Variants in JOSD1 observed in about 807,000 individuals in gnomAD.
JOSD1 encodes the protein josephin-1.
In JOSD1, 11 loss-of-function variants were observed where a neutral mutation model predicts 24.3. The ratio of observed to expected loss-of-function variants is 0.45; its 90% CI spans 0.29 to 0.75. JOSD1 has a LOEUF of 0.75. Among genes scored for constraint, JOSD1 ranks in the 30% least tolerant of loss-of-function variants. The pLI, the probability that JOSD1 is intolerant of heterozygous loss-of-function variation, is 0.11. For missense variants in JOSD1, 184 were observed against 253.5 expected (o/e 0.73, Z 1.86); for synonymous variants, 106 against 93.8 (o/e 1.13, Z -0.75).
At chr22:38,699,304 C>A (rs958599228) in intron 2 of JOSD1, among the ~76,000 whole-genome samples, 4 of 152,324 alleles carry the variant, frequency 2.6e-5, no homozygotes, top group Admixed American at 6.5e-5. Flanking sequence ...AAAAGCTGAG[C>A]ATTGTTTATA....
intron 2 of JOSD1, among the ~76,000 whole-genome samples, chr22:38,689,858 A>C (rs1275302160): frequency 3.3e-5 from 5 of 151,624 alleles, no homozygotes; most frequent in African/African-American, 1.2e-4. Flanking sequence ...GTTGGATATA[A>C]GGCAATAAAA....
intron 2 of JOSD1, among the ~76,000 whole-genome samples, chr22:38,696,255 G>C (rs2092545727): frequency 1.4e-5 from 2 of 147,378 alleles, no homozygotes; most frequent in East Asian, 2.0e-4. Context: ...TTTTTTTTGA[G>C]AGATGGGAGT....
intron 2 of JOSD1, among the ~76,000 whole-genome samples, chr22:38,698,614 A>C (rs5750671): frequency 0.37 from 56,435 of 151,952 alleles, 11,121 homozygotes; most frequent in African/African-American, 0.51. Context: ...GGGCCTAACT[A>C]CTTCTAGTCG....
intron 2 of JOSD1, among the ~76,000 whole-genome samples, chr22:38,690,354 C>T (rs537060577): frequency 6.1e-4 from 92 of 152,064 alleles, no homozygotes; most frequent in Non-Finnish European, 1.2e-4. Context: ...CTTAAGAAAT[C>T]TTGTATTTTT....
At chr22:38,700,683 C>A in intron 1 of JOSD1, 65 bp from the exon 2 acceptor site, 2 of 976,672 alleles carry the variant, frequency 2.0e-6, no homozygotes, top group Non-Finnish European at 2.4e-6. Context: ...GCGGGGCCGG[C>A]CCCTGCCCGA....
At chr22:38,694,744 TC>T (rs570495862) in intron 2 of JOSD1, among the ~76,000 whole-genome samples, 105 of 151,374 alleles carry the variant, frequency 6.9e-4, no homozygotes, top group Non-Finnish European at 1.3e-3. Context: ...CGCCTGTAGT[TC>T]CAGCTACTTG....
upstream of JOSD1, chr22:38,701,074 C>T (rs1465637668): frequency 7.7e-6 from 6 of 777,638 alleles, no homozygotes; most frequent in South Asian, 5.8e-5. Context: ...AGTCTGACGT[C>T]ATCGGCACCG....
intron 2 of JOSD1, among the ~76,000 whole-genome samples, chr22:38,696,235 C>T (rs1800763199): frequency 6.6e-6 from 1 of 151,012 alleles, no homozygotes; most frequent in Non-Finnish European, 1.5e-5. Context: ...AAACCTTATA[C>T]CCCCCCTTTT....
chr22:38,698,520 A>G (rs1248518966), intron 2 of JOSD1, among the ~76,000 whole-genome samples: 1 of 152,152 alleles, frequency 6.6e-6, no homozygotes, highest in Non-Finnish European at 1.5e-5. Flanking sequence ...CTTCCAAGCT[A>G]AGAGAGTAAG....
Position 38,700,882 on chromosome 22 carries a change from T to G in JOSD1, c.-714A>C. 2 of 984,236 alleles carry G rather than the reference T, an allele frequency of 2.0e-6. No homozygotes were observed. The highest frequency in any genetic ancestry group is 2.4e-6 in the Non-Finnish European group (2 of 829,572). The allele number at this position is 984,236 out of a possible 1,614,324, so 61.0% of individuals were successfully genotyped here. A position where few individuals can be genotyped will look rare whatever the true frequency, so the allele number is the denominator to read the frequency against. Reference sequence around the variant, plus strand: ...CAGACCCCAGGGCCGCCGGGACTGCTCGCCGCTGGCGGTCCCCTCACCGCA... The same window carrying G: ...CAGACCCCAGGGCCGCCGGGACTGCGCGCCGCTGGCGGTCCCCTCACCGCA... On this transcript the variant is annotated 5_prime_UTR_variant, in exon 1 of 5. Transcript: ENST00000683374.
chr22:38,689,192 A>AGTGAGG, intron 3 of JOSD1, 63 bp from the exon 4 acceptor site: 1 of 1,601,516 alleles, frequency 6.2e-7, no homozygotes, highest in South Asian at 1.1e-5. Context: ...CCTGGCTGTA[A>AGTGAGG]TACCACAACT....
chr22:38,695,218 T>C (rs1231522598), intron 2 of JOSD1, among the ~76,000 whole-genome samples: 3 of 152,170 alleles, frequency 2.0e-5, no homozygotes. Context: ...GACAAGAGAA[T>C]TCAAGTCTCT....
Position 38,685,968 on chromosome 22 carries a change from A to AG in JOSD1, c.*1933dup, listed in dbSNP as rs1232310492. ...CACAGGCCCAAGTGGATTTGTGGAGAGGAGTTTCCTCCTCTACCCAAGAAA... is the reference window on the plus strand; with the variant it reads ...CACAGGCCCAAGTGGATTTGTGGAGAGGGAGTTTCCTCCTCTACCCAAGAAA... On this transcript the variant is annotated 3_prime_UTR_variant, in exon 5 of 5. Transcript: ENST00000683374. 2.0e-5 allele frequency: 3 copies of AG among 152,584 alleles called. No homozygotes were observed. The highest frequency in any genetic ancestry group is 4.4e-5 in the Non-Finnish European group (3 of 68,040). The allele number at this position is 152,584 out of a possible 1,614,324, so 9.5% of individuals were successfully genotyped here.
rs984833897 is a variant in JOSD1, at chr22:38,700,824, G to A, written c.-656C>T. ...CCTCCCCGCCCGTCACGTGAGCGCA[G>A]GCCCAGACGCCCTCCCGCCGCGCCC... On this transcript the variant is annotated 5_prime_UTR_variant, in exon 1 of 5. Transcript: ENST00000683374. 1.0e-6 allele frequency: 1 copy of A among 984,784 alleles called. No individual in the cohort carries two copies. The highest frequency in any genetic ancestry group is 1.2e-6 in the Non-Finnish European group (1 of 829,732). 61.0% of individuals were successfully genotyped at this position (984,784 alleles called of 1,614,324 possible). A position where few individuals can be genotyped will look rare whatever the true frequency, so the allele number is the denominator to read the frequency against.
At chr22:38,693,591 C>T (rs2092532626) in intron 2 of JOSD1, among the ~76,000 whole-genome samples, 1 of 152,118 alleles carries the variant, frequency 6.6e-6, no homozygotes, top group Admixed American at 6.6e-5. Flanking sequence ...GATCATATGG[C>T]CTTTATTCTA....
rs149824960 is a variant in JOSD1 at position 38,688,770 on chromosome 22, T to C, written c.509+165A>G. ...AGGACTTAAAAGTACTGATGCGCCATTGAAGATTAAGGTCAGGTCCGAGAC... is the reference window on the plus strand; with the variant it reads ...AGGACTTAAAAGTACTGATGCGCCACTGAAGATTAAGGTCAGGTCCGAGAC... On this transcript the variant is annotated intron_variant, in intron 4 of 4. Coordinates refer to ENST00000683374, the MANE Select transcript of JOSD1 (RefSeq NM_001360236.2). 4.0e-3 allele frequency among the ~76,000 whole-genome samples: 608 copies of C among 152,246 alleles called. 6 individuals carry two copies. Among genetic ancestry groups the C allele is most frequent in the African/African-American group, 0.014 (581 of 41,548 alleles).
intron 2 of JOSD1, among the ~76,000 whole-genome samples, chr22:38,694,765 G>A (rs1239758220): frequency 6.6e-6 from 1 of 151,708 alleles, no homozygotes; most frequent in African/African-American, 2.4e-5. Flanking sequence ...GGGAGGCTGA[G>A]GCAGGAGAAT....
chr22:38,697,801 T>G (rs2092551872), intron 2 of JOSD1, among the ~76,000 whole-genome samples: 1 of 152,268 alleles, frequency 6.6e-6, no homozygotes. Flanking sequence ...AGGAAAGCAC[T>G]CAGAACGGTG....
In JOSD1 at chr22:38,687,480, G is replaced by T; in HGVS notation, c.*422C>A. 1 of 176,552 alleles carries T rather than the reference G, an allele frequency of 5.7e-6. No individual in the cohort carries two copies. Among genetic ancestry groups the T allele is most frequent in the Non-Finnish European group, 1.2e-5 (1 of 83,962 alleles). The allele number at this position is 176,552 out of a possible 1,614,324, so 10.9% of individuals were successfully genotyped here. On this transcript the variant is annotated 3_prime_UTR_variant, in exon 5 of 5. Coordinates refer to ENST00000683374, the MANE Select transcript of JOSD1 (RefSeq NM_001360236.2). Reference sequence around the variant, plus strand: ...TTCAAACCAGTCACATGGGGTTTGTGGGCACTATCTGCAGACCCACTGTTT... The same window carrying T: ...TTCAAACCAGTCACATGGGGTTTGTTGGCACTATCTGCAGACCCACTGTTT...
Sources: gnomAD v4.1 joint callset for allele counts (sites outside exome capture counted in the v4.1 genomes callset) on GRCh38, gnomAD v4.1.1 for gene constraint, MANE v1.5 for transcripts, NCBI Gene and HGNC (gene_info 2026-07-23, HGNC 2026-07-21) for gene names.